RALYL: variants seen among roughly 807,000 people sequenced by gnomAD.
The protein encoded by RALYL is RALY RNA binding protein like, also known as RNA-binding Raly-like protein.
RALYL carries 29 observed loss-of-function variants against 35.1 expected under a neutral mutation model. That is an observed-to-expected ratio of 0.83 (90% CI 0.61 to 1.13). The LOEUF is 1.13. Ranked by LOEUF, RALYL falls within the 50% of genes most tolerant of loss-of-function variation. The pLI is 0.00. For missense variants in RALYL, 359 were observed against 360.4 expected (o/e 1.00, Z 0.03); for synonymous variants, 120 against 127.6 (o/e 0.94, Z 0.40).
At chr8:84,759,593 A>G (rs16913242) in intron 2 of RALYL, among the ~76,000 whole-genome samples, 2,164 of 152,302 alleles carry the variant, frequency 0.014, 57 homozygotes, top group African/African-American at 0.049. Flanking sequence ...AGAAATATAT[A>G]CATCTGGTGT....
intron 4 of RALYL, among the ~76,000 whole-genome samples, chr8:84,825,691 A>C (rs2134295622): frequency 6.6e-6 from 1 of 152,096 alleles, no homozygotes; most frequent in Non-Finnish European, 1.5e-5. Flanking sequence ...AACATGGTGA[A>C]ACCCCATCTC....
In RALYL at chr8:84,659,752, T is replaced by A. The variant is rs369838199; in HGVS notation, c.257-114827T>A. ...AATATCATGTATTGCTTTTGCCATT[T>A]ATATTCAACCTGTTGAAATTTGGAA... is the stretch of plus-strand genomic sequence containing the variant. On this transcript the variant is annotated intron_variant, in intron 2 of 8. Coordinates refer to ENST00000521268, the MANE Select transcript of RALYL (RefSeq NM_173848.7). Among the ~76,000 whole-genome samples the A allele has an allele frequency of 7.2e-5, 11 of 152,356 alleles. No homozygotes were observed. The East Asian group carries it at 1.3e-3, about 19-fold the overall frequency.
chr8:84,525,627 G>T (rs1451429662), intron 1 of RALYL, among the ~76,000 whole-genome samples: 1 of 152,004 alleles, frequency 6.6e-6, no homozygotes, highest in East Asian at 1.9e-4. Context: ...GCTTGACAGA[G>T]TTAAATATTA....
At chr8:84,529,658 T>G (rs1588010975) in intron 2 of RALYL, 81 bp downstream of exon 2, 1 of 1,283,336 alleles carries the variant, frequency 7.8e-7, no homozygotes, top group East Asian at 2.4e-5. Flanking sequence ...CCAACACCAC[T>G]GTTGTTTCTA....
intron 1 of RALYL, among the ~76,000 whole-genome samples, chr8:84,298,571 G>C (rs1840195966): frequency 6.6e-6 from 1 of 152,032 alleles, no homozygotes; most frequent in African/African-American, 2.4e-5. Context: ...TTTTAGAATA[G>C]TCTTTTCTAA....
chr8:84,722,144 G>GA (rs1261378597), intron 2 of RALYL, among the ~76,000 whole-genome samples: 4 of 151,746 alleles, frequency 2.6e-5, no homozygotes, highest in Non-Finnish European at 2.9e-5. Context: ...TGTAAGAATT[G>GA]AAAAAAAGCT....
intron 1 of RALYL, among the ~76,000 whole-genome samples, chr8:84,512,455 G>T (rs1487697968): frequency 6.6e-6 from 1 of 151,810 alleles, no homozygotes; most frequent in Non-Finnish European, 1.5e-5. Flanking sequence ...CTGGTCCCTT[G>T]TCAGATTTTA....
intron 1 of RALYL, among the ~76,000 whole-genome samples, chr8:84,208,866 T>G (rs1240231512): frequency 5.3e-5 from 8 of 151,886 alleles, no homozygotes; most frequent in Non-Finnish European, 1.0e-4. Context: ...ATAAGAGACT[T>G]CTTTAACTCA....
At chr8:84,849,612 G>A (rs1469980453) in intron 4 of RALYL, among the ~76,000 whole-genome samples, 1 of 150,814 alleles carries the variant, frequency 6.6e-6, no homozygotes, top group African/African-American at 2.4e-5. Flanking sequence ...AGGCTGGAGT[G>A]CAGTGGCGCG....
chr8:84,324,509 C>A (rs945958566), intron 1 of RALYL, among the ~76,000 whole-genome samples: 6 of 151,710 alleles, frequency 4.0e-5, no homozygotes, highest in Non-Finnish European at 8.8e-5. Context: ...ATTGAGAACC[C>A]ATTCAAAGGA....
At chr8:84,383,906 T>C (rs1203011205) in intron 1 of RALYL, among the ~76,000 whole-genome samples, 1 of 151,672 alleles carries the variant, frequency 6.6e-6, no homozygotes, top group African/African-American at 2.4e-5. Flanking sequence ...TGTATGAAAT[T>C]TGAGATGATA....
chr8:84,481,372 C>T (rs2054021485), intron 1 of RALYL, among the ~76,000 whole-genome samples: 1 of 152,088 alleles, frequency 6.6e-6, no homozygotes, highest in Non-Finnish European at 1.5e-5. Flanking sequence ...ATCTGTTACC[C>T]AGGCTGGAGT....
intron 1 of RALYL, among the ~76,000 whole-genome samples, chr8:84,389,129 G>T (rs1233640193): frequency 6.6e-6 from 1 of 151,976 alleles, no homozygotes; most frequent in Non-Finnish European, 1.5e-5. Flanking sequence ...TTTTTCTCAG[G>T]TTTGTCAAAG....
chr8:84,554,103 CTTGA>C (rs1487561265), intron 2 of RALYL, among the ~76,000 whole-genome samples: 3 of 152,066 alleles, frequency 2.0e-5, no homozygotes, highest in African/African-American at 7.2e-5. Flanking sequence ...CTTTTAGAAA[CTTGA>C]TTGTCATGAT....
chr8:84,268,930 T>C (rs901300542), intron 1 of RALYL, among the ~76,000 whole-genome samples: 4 of 152,176 alleles, frequency 2.6e-5, no homozygotes, highest in Non-Finnish European at 4.4e-5. Context: ...TACTAGCATA[T>C]ACAGTCAAAT....
chr8:84,889,809 G>C (rs1306747128), intron 8 of RALYL, among the ~76,000 whole-genome samples: 3 of 152,070 alleles, frequency 2.0e-5, no homozygotes, highest in African/African-American at 7.2e-5. Flanking sequence ...CATTCACATA[G>C]TTATTAAAAC....
chr8:84,828,000 T>C (rs929726552), intron 4 of RALYL, among the ~76,000 whole-genome samples: 1 of 151,860 alleles, frequency 6.6e-6, no homozygotes, highest in Non-Finnish European at 1.5e-5. Flanking sequence ...ATTTTATAAG[T>C]TAGTTTTCAT....
chr8:84,753,277 C>A (rs973715303), intron 2 of RALYL, among the ~76,000 whole-genome samples: 1 of 152,176 alleles, frequency 6.6e-6, no homozygotes, highest in African/African-American at 2.4e-5. Context: ...ACTCTTGTAA[C>A]TCCATTGTAC....
intron 1 of RALYL, among the ~76,000 whole-genome samples, chr8:84,406,550 G>C (rs2043518172): frequency 6.6e-6 from 1 of 151,926 alleles, no homozygotes; most frequent in Non-Finnish European, 1.5e-5. Context: ...TGCTGGGTAA[G>C]TGGAAAATAA....
Sources: gnomAD v4.1 joint callset for allele counts (sites outside exome capture counted in the v4.1 genomes callset) on GRCh38, gnomAD v4.1.1 for gene constraint, MANE v1.5 for transcripts, NCBI Gene and HGNC (gene_info 2026-07-23, HGNC 2026-07-21) for gene names.